THRB: variants seen among roughly 807,000 people sequenced by gnomAD.
THRB encodes thyroid hormone receptor beta, also known as nuclear receptor subfamily 1 group A member 2.
A neutral mutation model predicts 47.8 loss-of-function variants in THRB; 12 were observed. The observed-to-expected ratio is 0.25, with a 90% CI of 0.16 to 0.41. THRB has a LOEUF of 0.41. Among genes scored for constraint, THRB ranks in the 10% least tolerant of loss-of-function variants. The pLI is 1.00. For missense variants in THRB, 348 were observed against 589.2 expected, an observed-to-expected ratio of 0.59 and a Z score of 4.24; for synonymous variants, 218 against 212.2, an observed-to-expected ratio of 1.03 and a Z score of -0.24.
chr3:24,182,328 G>C (rs1043664890), intron 5 of THRB, among the ~76,000 whole-genome samples: 8 of 152,186 alleles, frequency 5.3e-5, no homozygotes, highest in African/African-American at 1.4e-4. Flanking sequence ...CTGAATTCCA[G>C]TGATCACCTA....
chr3:24,165,478 G>A (rs952879587), intron 5 of THRB: 12 of 599,310 alleles, frequency 2.0e-5, no homozygotes, highest in Non-Finnish European at 3.6e-5. Flanking sequence ...CACATGAAAC[G>A]CGAAGGGAAG....
intron 2 of THRB, among the ~76,000 whole-genome samples, chr3:24,327,006 G>A (rs563831837): frequency 4.0e-5 from 6 of 151,806 alleles, no homozygotes; most frequent in East Asian, 2.0e-4. Context: ...CTCATGATCC[G>A]CCCGCCTCAG....
chr3:24,363,406 A>G (rs898583891), intron 1 of THRB, among the ~76,000 whole-genome samples: 8 of 152,152 alleles, frequency 5.3e-5, no homozygotes, highest in Non-Finnish European at 7.3e-5. Context: ...CATGCCAAAC[A>G]CAGGGTGCCT....
intron 3 of THRB, among the ~76,000 whole-genome samples, chr3:24,234,588 C>A (rs886106413): frequency 6.6e-6 from 1 of 152,144 alleles, no homozygotes; most frequent in Non-Finnish European, 1.5e-5. Flanking sequence ...GGCTTTAGAT[C>A]ATTCAAGATG....
At chr3:24,421,818 T>C (rs34832185) in intron 1 of THRB, among the ~76,000 whole-genome samples, 22,115 of 152,020 alleles carry the variant, frequency 0.15, 1,843 homozygotes, top group Middle Eastern at 0.24. Flanking sequence ...TTTTCTAATA[T>C]ATTTGCATCA....
At chr3:24,189,511 C>A (rs904499853) in intron 5 of THRB, among the ~76,000 whole-genome samples, 1 of 143,886 alleles carries the variant, frequency 6.9e-6, no homozygotes, top group African/African-American at 2.6e-5. Flanking sequence ...GAACTTAGGC[C>A]AGTTTAATGT....
chr3:24,421,400 T>C (rs1334305597), intron 1 of THRB, among the ~76,000 whole-genome samples: 1 of 151,134 alleles, frequency 6.6e-6, no homozygotes, highest in Non-Finnish European at 1.5e-5. Flanking sequence ...AGGAGTCTAA[T>C]AATAACACTT....
At chr3:24,227,211 C>G (rs757230280) in intron 4 of THRB, among the ~76,000 whole-genome samples, 28 of 152,186 alleles carry the variant, frequency 1.8e-4, no homozygotes, top group Admixed American at 1.5e-3. Context: ...CCTCCTTTAT[C>G]AGAAAGGAAT....
At chr3:24,414,425 A>G (rs1342241720) in intron 1 of THRB, among the ~76,000 whole-genome samples, 1 of 151,876 alleles carries the variant, frequency 6.6e-6, no homozygotes, top group East Asian at 1.9e-4. Flanking sequence ...GAACATATCT[A>G]TGTGTTAAAA....
intron 1 of THRB, among the ~76,000 whole-genome samples, chr3:24,486,215 G>A (rs1006338210): frequency 2.0e-5 from 3 of 152,156 alleles, no homozygotes; most frequent in African/African-American, 7.2e-5. Flanking sequence ...CCACAGCAAA[G>A]GATTATCTGG....
intron 2 of THRB, among the ~76,000 whole-genome samples, chr3:24,311,008 C>T (rs962702368): frequency 6.6e-6 from 1 of 152,088 alleles, no homozygotes; most frequent in Non-Finnish European, 1.5e-5. Flanking sequence ...GGTGGTGTCT[C>T]AAGCAGATAT....
intron 1 of THRB, among the ~76,000 whole-genome samples, chr3:24,383,842 C>T (rs1298579132): frequency 6.6e-6 from 1 of 152,110 alleles, no homozygotes; most frequent in African/African-American, 2.4e-5. Context: ...GTGTAGGAAA[C>T]AGATTCTCTT....
intron 1 of THRB, among the ~76,000 whole-genome samples, chr3:24,477,476 T>A (rs1695660684): frequency 6.6e-6 from 1 of 151,992 alleles, no homozygotes. Context: ...AGATCCCGGG[T>A]TCAGCAGGTC....
rs78269055 is a variant in THRB, at chr3:24,238,291, G to C, written c.-42-9290C>G. On this transcript the variant is annotated intron_variant, in intron 3 of 10. Coordinates refer to ENST00000646209, the MANE Select transcript of THRB (RefSeq NM_001354712.2). ...TGTGTGTGTGTGTGGGGGGGGGGGG[G>C]GTGTGTGGGGTGTGTGTGTGATGAA... Among the ~76,000 whole-genome samples the C allele has an allele frequency of 1.1e-4, 12 of 107,630 alleles. No homozygotes were observed. In the East Asian group the frequency reaches 1.7e-3, roughly 15 times the overall value. 70.6% of individuals were successfully genotyped at this position (107,630 alleles called of 152,430 possible). A position where few individuals can be genotyped will look rare whatever the true frequency, so the allele number is the denominator to read the frequency against.
At chr3:24,277,527 A>G (rs1234416599) in intron 3 of THRB, among the ~76,000 whole-genome samples, 1 of 152,164 alleles carries the variant, frequency 6.6e-6, no homozygotes, top group Admixed American at 6.5e-5. Flanking sequence ...GGTGATGCTG[A>G]TGCTGCTGGT....
At chr3:24,182,863 A>G (rs2042081973) in intron 5 of THRB, among the ~76,000 whole-genome samples, 1 of 152,132 alleles carries the variant, frequency 6.6e-6, no homozygotes. Context: ...CTGCATCTTT[A>G]CCTGACAGTA....
At chr3:24,270,556 C>A (rs2053220405) in intron 3 of THRB, among the ~76,000 whole-genome samples, 1 of 152,354 alleles carries the variant, frequency 6.6e-6, no homozygotes, top group African/African-American at 2.4e-5. Context: ...TACGTCCCAG[C>A]CCTTCCAGCT....
intron 1 of THRB, among the ~76,000 whole-genome samples, chr3:24,459,871 G>A (rs1487219159): frequency 6.6e-6 from 1 of 151,850 alleles, no homozygotes; most frequent in Non-Finnish European, 1.5e-5. Flanking sequence ...TTTTATATAG[G>A]TACTTATAAA....
intron 3 of THRB, among the ~76,000 whole-genome samples, chr3:24,229,959 T>C (rs1478595508): frequency 6.6e-6 from 1 of 152,138 alleles, no homozygotes; most frequent in Non-Finnish European, 1.5e-5. Context: ...CAGTGTAAGA[T>C]GAGGAAACTA....
Sources: allele counts gnomAD v4.1 joint callset (sites outside exome capture counted in the v4.1 genomes callset), GRCh38; gene constraint gnomAD v4.1.1; transcripts MANE v1.5; gene names NCBI Gene and HGNC (gene_info 2026-07-23, HGNC 2026-07-21).